SNTG2: variants seen among roughly 807,000 people sequenced by gnomAD.
SNTG2 encodes the protein gamma-2-syntrophin.
A neutral mutation model predicts 70.9 loss-of-function variants in SNTG2; 74 were observed. The observed-to-expected ratio is 1.04, with a 90% CI of 0.86 to 1.27. The LOEUF (loss-of-function observed/expected upper bound fraction) is 1.27, where lower values mean the gene tolerates loss of function less well. Among genes scored for constraint, SNTG2 ranks in the 50% most tolerant of loss-of-function variants. SNTG2 has a pLI of 0.00. For missense variants in SNTG2, 717 were observed against 690.7 expected, an observed-to-expected ratio of 1.04 and a Z score of -0.43; for synonymous variants, 278 against 273.8, an observed-to-expected ratio of 1.02 and a Z score of -0.15.
intron 2 of SNTG2, among the ~76,000 whole-genome samples, chr2:1,095,596 T>C (rs1282970786): frequency 6.6e-6 from 1 of 152,164 alleles, no homozygotes; most frequent in Admixed American, 6.5e-5. Flanking sequence ...TTCTTTGAAA[T>C]ATCAAGGATA....
chr2:1,255,837 T>A lies in SNTG2; in HGVS notation c.1006-3533T>A, dbSNP rs1558602309. Among the ~76,000 whole-genome samples, 54 of 40,156 alleles carry A rather than the reference T, an allele frequency of 1.3e-3. 1 individual carries two copies. The highest frequency in any genetic ancestry group is 7.1e-3 in the African/African-American group (51 of 7,178). 26.3% of individuals were successfully genotyped at this position (40,156 alleles called of 152,430 possible). ...AGTTGTATGTATATATATATAAATA[T>A]ATATAAATATATATAAATATATATA... On this transcript the variant is annotated intron_variant, in intron 12 of 16. Coordinates refer to ENST00000308624, the MANE Select transcript of SNTG2 (RefSeq NM_018968.4).
At chr2:1,346,565 A>T (rs1660290908) in intron 16 of SNTG2, 1 of 152,334 alleles carries the variant, frequency 6.6e-6, no homozygotes, top group South Asian at 2.1e-4. Flanking sequence ...CAGCATTCAC[A>T]ACTAGAGGAA....
intron 2 of SNTG2, among the ~76,000 whole-genome samples, chr2:1,092,078 C>T: frequency 6.6e-6 from 1 of 152,336 alleles, no homozygotes; most frequent in Non-Finnish European, 1.5e-5. Context: ...GACTCAACAG[C>T]CCCCTCACAT....
intron 6 of SNTG2, among the ~76,000 whole-genome samples, chr2:1,164,217 T>G (rs115714441): frequency 0.17 from 12,288 of 71,112 alleles, 299 homozygotes; most frequent in African/African-American, 0.29. Flanking sequence ...TAGAGGAGAG[T>G]GCGAGGTGGG....
intron 14 of SNTG2, among the ~76,000 whole-genome samples, chr2:1,271,860 G>A (rs1382261100): frequency 2.0e-5 from 3 of 151,990 alleles, no homozygotes; most frequent in East Asian, 1.9e-4. Flanking sequence ...AACACCATTG[G>A]CTAATTGGCT....
At position 1,308,553 on chromosome 2, in the gene SNTG2, G is replaced by T. The variant is rs147649890; in HGVS notation, c.1344G>T (p.Ala448=). 5.8e-6 allele frequency: 9 copies of T among 1,551,676 alleles called. No individual in the cohort carries two copies. The highest frequency in any genetic ancestry group is 3.9e-5 in the Admixed American group (2 of 51,010). The change falls in exon 15 of 17, where the codon GCG becomes GCT. Residue 448 remains alanine (A), a synonymous_variant. Transcript: ENST00000308624. ...GEMLCFTVDF[A]LGFTCFESKT... Reference sequence around the variant, plus strand: ...TGCTGTGTTTCACGGTGGATTTCGCGTTGGGATTTACCTGTTTTGAGAGTA... The same window carrying T: ...TGCTGTGTTTCACGGTGGATTTCGCTTTGGGATTTACCTGTTTTGAGAGTA...
chr2:1,298,133 T>A (rs947014505), intron 14 of SNTG2, among the ~76,000 whole-genome samples: 1 of 152,158 alleles, frequency 6.6e-6, no homozygotes, highest in Non-Finnish European at 1.5e-5. Flanking sequence ...ATTTATTTAT[T>A]TTTAGTTTTA....
At chr2:1,087,779 G>A (rs1179085269) in intron 2 of SNTG2, among the ~76,000 whole-genome samples, 1 of 152,222 alleles carries the variant, frequency 6.6e-6, no homozygotes, top group African/African-American at 2.4e-5. Context: ...TTTTTAAAAT[G>A]TAGGTGTATT....
intron 4 of SNTG2, among the ~76,000 whole-genome samples, chr2:1,114,968 C>T (rs1338656569): frequency 1.6e-4 from 24 of 151,130 alleles, no homozygotes; most frequent in Admixed American, 1.5e-3. Flanking sequence ...TGAGAAGGAT[C>T]GTGTGTATTA....
intron 9 of SNTG2, among the ~76,000 whole-genome samples, chr2:1,229,092 A>G (rs1051827041): frequency 2.0e-5 from 3 of 152,168 alleles, no homozygotes; most frequent in Non-Finnish European, 4.4e-5. Context: ...CAGTAGCAGG[A>G]TTTATTGCAA....
At chr2:1,191,051 A>ACAT (rs1209096988) in intron 8 of SNTG2, among the ~76,000 whole-genome samples, 1 of 152,200 alleles carries the variant, frequency 6.6e-6, no homozygotes, top group African/African-American at 2.4e-5. Flanking sequence ...AGGCAATCCC[A>ACAT]CATGCTCATT....
At chr2:969,713 A>G (rs559546143) in intron 1 of SNTG2, among the ~76,000 whole-genome samples, 3 of 152,292 alleles carry the variant, frequency 2.0e-5, no homozygotes, top group Non-Finnish European at 4.4e-5. Flanking sequence ...TATTCATTTT[A>G]TATCCTGAAA....
rs1445381733 is a variant in SNTG2, at chr2:1,232,823, TTC to T, written c.720-5063_720-5062del. ...TTTTTCAAATTCTGAAACATACACG[TTC>T]TGTTTTTGTCTCGAGTACTCGTAAT... On this transcript the variant is annotated intron_variant, in intron 9 of 16. Transcript: ENST00000308624. 1.2e-4 allele frequency among the ~76,000 whole-genome samples: 18 copies of T among 152,282 alleles called. No homozygotes were observed. In the East Asian group the frequency reaches 3.3e-3, roughly 28 times the overall value.
At chr2:1,203,708 GTGTGTA>G (rs1452823687) in intron 8 of SNTG2, among the ~76,000 whole-genome samples, 44 of 150,636 alleles carry the variant, frequency 2.9e-4, no homozygotes, top group African/African-American at 1.0e-3. Context: ...GTGTGTGTGT[GTGTGTA>G]TGTGTGTATA....
intron 1 of SNTG2, among the ~76,000 whole-genome samples, chr2:960,859 T>C (rs1652188874): frequency 6.6e-6 from 1 of 152,080 alleles, no homozygotes; most frequent in Admixed American, 6.5e-5. Flanking sequence ...GGCTGTTGGT[T>C]CTGAAGGGGG....
intron 2 of SNTG2, among the ~76,000 whole-genome samples, chr2:1,089,264 G>A (rs1664868459): frequency 6.6e-6 from 1 of 152,160 alleles, no homozygotes. Flanking sequence ...ATGGTACCCA[G>A]AATAGGGTTC....
At chr2:1,113,534 G>T (rs1342412669) in intron 4 of SNTG2, among the ~76,000 whole-genome samples, 1 of 151,998 alleles carries the variant, frequency 6.6e-6, no homozygotes, top group African/African-American at 2.4e-5. Context: ...TGTGTACTGA[G>T]GTTTAACCCT....
chr2:1,249,125 A>G (rs965635646), intron 12 of SNTG2, among the ~76,000 whole-genome samples: 5 of 152,208 alleles, frequency 3.3e-5, no homozygotes, highest in Non-Finnish European at 7.3e-5. Flanking sequence ...ACTTCTGTCC[A>G]TTATATAATT....
intron 1 of SNTG2, among the ~76,000 whole-genome samples, chr2:981,828 A>C (rs1199599388): frequency 2.0e-5 from 3 of 152,098 alleles, no homozygotes; most frequent in Non-Finnish European, 4.4e-5. Context: ...TGCACACACA[A>C]ATGCCCATGC....
Sources: allele counts gnomAD v4.1 joint callset (sites outside exome capture counted in the v4.1 genomes callset), GRCh38; gene constraint gnomAD v4.1.1; transcripts MANE v1.5; gene names NCBI Gene and HGNC (gene_info 2026-07-23, HGNC 2026-07-21).